Variants in LSAMP observed in about 807,000 individuals in gnomAD.
The protein encoded by LSAMP is limbic system-associated membrane protein.
A neutral mutation model predicts 38.6 loss-of-function variants in LSAMP; 7 were observed. The ratio of observed to expected loss-of-function variants is 0.18; its 90% CI spans 0.10 to 0.34. LSAMP has a LOEUF of 0.34. Among genes scored for constraint, LSAMP ranks in the 10% least tolerant of loss-of-function variants. The probability of loss-of-function intolerance (pLI) is 1.00; values close to 1 mark genes in which losing one functional copy is unlikely to be tolerated. For missense variants in LSAMP, 313 were observed against 420.0 expected (o/e 0.75, Z 2.23); for synonymous variants, 154 against 166.8 (o/e 0.92, Z 0.59).
chr3:116,433,918 T>C (rs1490825690), intron 1 of LSAMP, among the ~76,000 whole-genome samples: 2 of 152,152 alleles, frequency 1.3e-5, no homozygotes, highest in Non-Finnish European at 2.9e-5. Context: ...GGGGCATGCT[T>C]TGTCTAGGTC....
chr3:116,226,865 C>G (rs1321185486), intron 1 of LSAMP, among the ~76,000 whole-genome samples: 2 of 152,194 alleles, frequency 1.3e-5, no homozygotes, highest in Non-Finnish European at 2.9e-5. Flanking sequence ...CACCCAAGCT[C>G]CTCACACGCC....
intron 3 of LSAMP, among the ~76,000 whole-genome samples, chr3:115,879,132 T>C (rs749144651): frequency 3.3e-5 from 5 of 152,160 alleles, no homozygotes; most frequent in African/African-American, 4.8e-5. Flanking sequence ...TCCTTGGGCT[T>C]ACAGAGGACA....
At chr3:116,289,655 C>G (rs2047238092) in intron 1 of LSAMP, among the ~76,000 whole-genome samples, 1 of 152,030 alleles carries the variant, frequency 6.6e-6, no homozygotes, top group South Asian at 2.1e-4. Context: ...GTCAGAGTGC[C>G]TCGGTGGTAA....
At chr3:115,929,830 C>A (rs571053715) in intron 3 of LSAMP, among the ~76,000 whole-genome samples, 96 of 151,962 alleles carry the variant, frequency 6.3e-4, no homozygotes, top group Non-Finnish European at 9.9e-4. Context: ...TACCATGCAC[C>A]CTCTAGCTTC....
intron 3 of LSAMP, among the ~76,000 whole-genome samples, chr3:115,992,458 G>T (rs539873862): frequency 6.6e-6 from 1 of 152,010 alleles, no homozygotes; most frequent in South Asian, 2.1e-4. Flanking sequence ...TGAGTAGGAC[G>T]ATCAAAGACA....
At chr3:116,162,768 TACACACACACACACACAC>T (rs71141856) in intron 1 of LSAMP, among the ~76,000 whole-genome samples, 1 of 147,324 alleles carries the variant, frequency 6.8e-6, no homozygotes, top group Non-Finnish European at 1.5e-5. Context: ...CACACACTTA[TACACACACACACACACAC>T]ACACACACAC....
intron 3 of LSAMP, among the ~76,000 whole-genome samples, chr3:115,870,005 G>A (rs1935985053): frequency 6.6e-6 from 1 of 151,970 alleles, no homozygotes; most frequent in South Asian, 2.1e-4. Context: ...ATAGCTAAGA[G>A]TGAATTTTGC....
At chr3:116,310,594 A>T (rs1226348926) in intron 1 of LSAMP, among the ~76,000 whole-genome samples, 1 of 152,174 alleles carries the variant, frequency 6.6e-6, no homozygotes. Context: ...ATCTGCCCAG[A>T]AAGATTCTTA....
intron 2 of LSAMP, among the ~76,000 whole-genome samples, chr3:116,031,538 C>CTTTTTTTTTTTTTTTTTTTTTTTTTTT (rs56951507): frequency 1.7e-5 from 1 of 60,238 alleles, no homozygotes; most frequent in Non-Finnish European, 3.2e-5. Context: ...AGCCTAAATT[C>CTTTTTTTTTTTTTTTTTTTTTTTTTTT]TTTTTTTTTT....
At chr3:116,215,641 T>C (rs2046210758) in intron 1 of LSAMP, among the ~76,000 whole-genome samples, 2 of 152,196 alleles carry the variant, frequency 1.3e-5, no homozygotes, top group South Asian at 4.1e-4. Flanking sequence ...TGCAGAATCT[T>C]ACCCTAAACT....
chr3:115,934,487 T>G (rs1290991788), intron 3 of LSAMP, among the ~76,000 whole-genome samples: 1 of 152,102 alleles, frequency 6.6e-6, no homozygotes, highest in Non-Finnish European at 1.5e-5. Flanking sequence ...CTGTAGTTGA[T>G]ATGGTGTTTT....
intron 1 of LSAMP, among the ~76,000 whole-genome samples, chr3:116,385,920 TTACTAC>T (rs71616351): frequency 5.3e-5 from 8 of 151,010 alleles, no homozygotes; most frequent in East Asian, 1.9e-4. Flanking sequence ...ATTATTGACA[TTACTAC>T]TACTACTACT....
intron 2 of LSAMP, among the ~76,000 whole-genome samples, chr3:116,047,784 A>G (rs1283686380): frequency 6.6e-6 from 1 of 152,222 alleles, no homozygotes; most frequent in Non-Finnish European, 1.5e-5. Context: ...AGGTAAAATT[A>G]TATGTATCAT....
chr3:116,130,192 C>T (rs1028096910), intron 1 of LSAMP, among the ~76,000 whole-genome samples: 4 of 152,128 alleles, frequency 2.6e-5, no homozygotes, highest in South Asian at 2.1e-4. Context: ...TTCATACATC[C>T]GCCACTATCC....
intron 1 of LSAMP, among the ~76,000 whole-genome samples, chr3:116,373,055 C>G (rs1359340598): frequency 3.3e-5 from 5 of 151,602 alleles, no homozygotes; most frequent in Admixed American, 2.6e-4. Flanking sequence ...TATCATCCAG[C>G]AATTTCACTT....
intron 3 of LSAMP, among the ~76,000 whole-genome samples, chr3:115,870,605 C>T (rs1936005179): frequency 6.6e-6 from 1 of 152,252 alleles, no homozygotes. Context: ...TGCATTTTAA[C>T]ACTCTGGTGG....
chr3:115,987,481 G>A (rs893296881), intron 3 of LSAMP, among the ~76,000 whole-genome samples: 2 of 152,164 alleles, frequency 1.3e-5, no homozygotes, highest in African/African-American at 4.8e-5. Flanking sequence ...TTGTGTTATT[G>A]AGATTTCAGG....
At chr3:116,404,852 A>T (rs1458600227) in intron 1 of LSAMP, among the ~76,000 whole-genome samples, 1 of 152,062 alleles carries the variant, frequency 6.6e-6, no homozygotes, top group Non-Finnish European at 1.5e-5. Context: ...TTCTGTATAG[A>T]TATTCAAACA....
At chr3:115,910,553 T>C (rs1411875692) in intron 3 of LSAMP, among the ~76,000 whole-genome samples, 2 of 152,176 alleles carry the variant, frequency 1.3e-5, no homozygotes, top group Non-Finnish European at 2.9e-5. Context: ...CTCTACCTAG[T>C]TTCTCCCAAC....
Sources: allele counts gnomAD v4.1 joint callset (sites outside exome capture counted in the v4.1 genomes callset), GRCh38; gene constraint gnomAD v4.1.1; transcripts MANE v1.5; gene names NCBI Gene and HGNC (gene_info 2026-07-23, HGNC 2026-07-21).